The following BRINP1 variants were observed in gnomAD, a reference collection of about 807,000 sequenced individuals.
BRINP1 encodes the protein BMP/retinoic acid inducible neural specific 1.
A neutral mutation model predicts 72.9 loss-of-function variants in BRINP1; 17 were observed. That is an observed-to-expected ratio of 0.23 (90% CI 0.16 to 0.35). The LOEUF (loss-of-function observed/expected upper bound fraction) is 0.35. Among genes scored for constraint, BRINP1 ranks in the 10% least tolerant of loss-of-function variants. The probability of loss-of-function intolerance (pLI) is 1.00; values close to 1 mark genes in which losing one functional copy is unlikely to be tolerated. For missense variants in BRINP1, 850 were observed against 1,001.6 expected (o/e 0.85, Z 2.04); for synonymous variants, 418 against 378.5 (o/e 1.10, Z -1.21).
chr9:119,220,850 G>A (rs1170027818), intron 5 of BRINP1, among the ~76,000 whole-genome samples: 1 of 152,116 alleles, frequency 6.6e-6, no homozygotes, highest in Non-Finnish European at 1.5e-5. Context: ...GGTCTGAATA[G>A]GTAGATAAAG....
intron 7 of BRINP1, among the ~76,000 whole-genome samples, chr9:119,176,157 G>T (rs1829486386): frequency 6.6e-6 from 1 of 152,180 alleles, no homozygotes; most frequent in Admixed American, 6.5e-5. Flanking sequence ...GGAAGCTAAG[G>T]GTGAAAGGAC....
intron 2 of BRINP1, among the ~76,000 whole-genome samples, chr9:119,289,595 C>T (rs1027547543): frequency 6.6e-6 from 1 of 152,150 alleles, no homozygotes; most frequent in Non-Finnish European, 1.5e-5. Flanking sequence ...AGTGAGAAAA[C>T]ACATGTCTAA....
chr9:119,256,481 T>C (rs1051861628), intron 2 of BRINP1, among the ~76,000 whole-genome samples: 4 of 152,202 alleles, frequency 2.6e-5, no homozygotes, highest in African/African-American at 9.6e-5. Context: ...TCCAAGTCTA[T>C]TTTTTCGTAT....
chr9:119,322,763 G>A (rs1433632905), intron 1 of BRINP1, among the ~76,000 whole-genome samples: 1 of 152,152 alleles, frequency 6.6e-6, no homozygotes, highest in Non-Finnish European at 1.5e-5. Flanking sequence ...CTTCTCCCCA[G>A]TAATGCAGAC....
intron 7 of BRINP1, among the ~76,000 whole-genome samples, chr9:119,188,191 A>T (rs1382060379): frequency 3.8e-5 from 4 of 106,054 alleles, no homozygotes; most frequent in African/African-American, 1.4e-4. Flanking sequence ...TGGAAGAGAC[A>T]TGAACATCCA....
chr9:119,261,765 TCTTC>T (rs1830497105), intron 2 of BRINP1, among the ~76,000 whole-genome samples: 1 of 151,534 alleles, frequency 6.6e-6, no homozygotes, highest in East Asian at 1.9e-4. Context: ...TTTCTTTCTC[TCTTC>T]CTTCTTTCCT....
intron 3 of BRINP1, among the ~76,000 whole-genome samples, chr9:119,242,889 G>T (rs1006090877): frequency 1.3e-5 from 2 of 152,024 alleles, no homozygotes; most frequent in South Asian, 2.1e-4. Context: ...TTTGGGTAAA[G>T]AACTGTTTCT....
intron 2 of BRINP1, among the ~76,000 whole-genome samples, chr9:119,304,806 C>A (rs969331410): frequency 1.3e-5 from 2 of 152,228 alleles, no homozygotes; most frequent in African/African-American, 4.8e-5. Context: ...CTGCCTTTGT[C>A]TTAGTTCCAG....
intron 2 of BRINP1, among the ~76,000 whole-genome samples, chr9:119,263,601 CTTTTT>C (rs386416080): frequency 1.5e-4 from 12 of 78,564 alleles, no homozygotes; most frequent in Middle Eastern, 0.024. Flanking sequence ...GTAAACAATT[CTTTTT>C]TTTTTTTTTT....
At position 119,274,176 on chromosome 9, in the gene BRINP1, T is replaced by C. The variant is rs545376349; in HGVS notation, c.219-25026A>G. 3.9e-5 allele frequency among the ~76,000 whole-genome samples: 6 copies of C among 152,332 alleles called. No homozygotes were observed. In the South Asian group the frequency reaches 1.0e-3, roughly 26 times the overall value. On this transcript the variant is annotated intron_variant, in intron 2 of 7. Transcript: ENST00000265922. ...TGCCCAGCCAAGGAAACCTTTGGTGTTCTCCTCTCCTCCCACCCACTGGCT... is the reference window on the plus strand; with the variant it reads ...TGCCCAGCCAAGGAAACCTTTGGTGCTCTCCTCTCCTCCCACCCACTGGCT...
At chr9:119,183,175 A>G (rs1829576344) in intron 7 of BRINP1, among the ~76,000 whole-genome samples, 1 of 152,208 alleles carries the variant, frequency 6.6e-6, no homozygotes, top group African/African-American at 2.4e-5. Flanking sequence ...CATGCCTAAT[A>G]TGTACACAAC....
chr9:119,310,227 C>T (rs1323956789), intron 2 of BRINP1, among the ~76,000 whole-genome samples: 1 of 152,152 alleles, frequency 6.6e-6, no homozygotes, highest in Non-Finnish European at 1.5e-5. Context: ...GGAGCTGGGT[C>T]AGCACCCGAG....
intron 2 of BRINP1, among the ~76,000 whole-genome samples, chr9:119,288,781 GT>G (rs1303143049): frequency 6.6e-6 from 1 of 151,638 alleles, no homozygotes; most frequent in Admixed American, 6.6e-5. Context: ...TTGTTTGTTT[GT>G]TTTTTGTTTT....
Position 119,206,140 on chromosome 9 carries a change from G to A in BRINP1, c.1145+2579C>T, listed in dbSNP as rs548099627. ...TCTTAAGAGAGGATATTAGCACAGG[G>A]CATGGTGGCTCATATCTATAATCCT... On this transcript the variant is annotated intron_variant, in intron 7 of 7. Coordinates refer to ENST00000265922, the MANE Select transcript of BRINP1 (RefSeq NM_014618.3). Among the ~76,000 whole-genome samples the A allele has an allele frequency of 2.0e-5, 3 of 152,166 alleles. No individual in the cohort carries two copies. The East Asian group carries it at 5.8e-4, about 29-fold the overall frequency.
At chr9:119,327,394 C>A (rs916518425) in intron 1 of BRINP1, among the ~76,000 whole-genome samples, 1 of 152,182 alleles carries the variant, frequency 6.6e-6, no homozygotes, top group Non-Finnish European at 1.5e-5. Flanking sequence ...TGTCCAGCAT[C>A]TGGAACTAAT....
chr9:119,195,560 GT>G (rs1287537435), intron 7 of BRINP1, among the ~76,000 whole-genome samples: 1 of 152,190 alleles, frequency 6.6e-6, no homozygotes, highest in African/African-American at 2.4e-5. Context: ...TAAGGTATTT[GT>G]CTTGGTAATA....
chr9:119,188,524 A>G (rs1332771355), intron 7 of BRINP1, among the ~76,000 whole-genome samples: 2 of 152,180 alleles, frequency 1.3e-5, no homozygotes, highest in Non-Finnish European at 2.9e-5. Flanking sequence ...AAGACTGTGG[A>G]GGCTGAGAGG....
intron 1 of BRINP1, among the ~76,000 whole-genome samples, chr9:119,344,162 A>C (rs1831429937): frequency 6.6e-6 from 1 of 152,106 alleles, no homozygotes; most frequent in Non-Finnish European, 1.5e-5. Context: ...AACATCTCTT[A>C]ATCTGTTTCT....
At chr9:119,355,001 T>C (rs372092576) in intron 1 of BRINP1, among the ~76,000 whole-genome samples, 1 of 152,222 alleles carries the variant, frequency 6.6e-6, no homozygotes, top group East Asian at 1.9e-4. Context: ...GATGAATGAC[T>C]TAGAAATTGA....
Sources: allele counts gnomAD v4.1 joint callset (sites outside exome capture counted in the v4.1 genomes callset), GRCh38; gene constraint gnomAD v4.1.1; transcripts MANE v1.5; gene names NCBI Gene and HGNC (gene_info 2026-07-23, HGNC 2026-07-21).